Variants in ITPKB observed in about 807,000 individuals in gnomAD.
ITPKB encodes IP3 3-kinase B.
A neutral mutation model predicts 69.4 loss-of-function variants in ITPKB; 13 were observed. The ratio of observed to expected loss-of-function variants is 0.19; its 90% CI spans 0.12 to 0.30. The LOEUF (loss-of-function observed/expected upper bound fraction) is 0.30, where lower values mean the gene tolerates loss of function less well. Among genes scored for constraint, ITPKB ranks in the 10% least tolerant of loss-of-function variants. The probability of loss-of-function intolerance (pLI) is 1.00; values close to 1 mark genes in which losing one functional copy is unlikely to be tolerated. For missense variants in ITPKB, 1,240 were observed against 1,250.5 expected, an observed-to-expected ratio of 0.99 and a Z score of 0.13; for synonymous variants, 584 against 513.7, an observed-to-expected ratio of 1.14 and a Z score of -1.85.
chr1:226,702,133 T>C (rs1656683269), intron 2 of ITPKB, among the ~76,000 whole-genome samples: 1 of 152,088 alleles, frequency 6.6e-6, no homozygotes, highest in African/African-American at 2.4e-5. Context: ...CGGTGGTTCA[T>C]GCCTGGAATC....
intron 2 of ITPKB, among the ~76,000 whole-genome samples, chr1:226,685,330 A>G (rs1053406131): frequency 6.6e-6 from 1 of 150,900 alleles, no homozygotes; most frequent in African/African-American, 2.4e-5. Flanking sequence ...GCTCTGCCCC[A>G]CCCCTGCCCC....
At chr1:226,675,428 T>G (rs1669713443) in intron 2 of ITPKB, among the ~76,000 whole-genome samples, 1 of 152,208 alleles carries the variant, frequency 6.6e-6, no homozygotes, top group Non-Finnish European at 1.5e-5. Context: ...GTCCATGTTT[T>G]TTCCAGAACG....
At chr1:226,636,238 G>T (rs1668834924) in intron 7 of ITPKB, among the ~76,000 whole-genome samples, 1 of 152,224 alleles carries the variant, frequency 6.6e-6, no homozygotes, top group Admixed American at 6.5e-5. Context: ...GGGCAAAGGG[G>T]GCTCTGGCAG....
chr1:226,698,586 G>C (rs1254676257), intron 2 of ITPKB, among the ~76,000 whole-genome samples: 1 of 152,262 alleles, frequency 6.6e-6, no homozygotes, highest in Non-Finnish European at 1.5e-5. Flanking sequence ...GTCATCAGAG[G>C]CTGGAGAAAA....
In ITPKB at chr1:226,738,026, T is replaced by C. The variant is rs562070091; in HGVS notation, c.-205-363A>G. Among the ~76,000 whole-genome samples, 1 of 152,296 alleles carries C rather than the reference T, an allele frequency of 6.6e-6. No individual in the cohort carries two copies. The highest frequency in any genetic ancestry group is 1.5e-5 in the Non-Finnish European group (1 of 68,012). On this transcript the variant is annotated intron_variant, in intron 1 of 7. Coordinates refer to ENST00000429204, the MANE Select transcript of ITPKB (RefSeq NM_002221.4). The surrounding 1 kb of genome is among the most constrained non-coding windows in gnomAD (Gnocchi z 4.2). ...CGCGGCTGACTCAGCTCTCCCGGGC[T>C]GAGGACACCCCAGCCACCGTCTCCG...
In ITPKB at chr1:226,734,304, C is replaced by T. The variant is rs7556331; in HGVS notation, c.1932+1223G>A. Among the ~76,000 whole-genome samples, 583 of 152,306 alleles carry T rather than the reference C, an allele frequency of 3.8e-3. 5 individuals carry two copies. The highest frequency in any genetic ancestry group is 0.014 in the African/African-American group (563 of 41,562). ...AAGCAGAGTTTCATGAAAAGGAATG[C>T]CTGGTCTTCAAAAATCCAGACTGTG... On this transcript the variant is annotated intron_variant, in intron 2 of 7. Coordinates refer to ENST00000429204, the MANE Select transcript of ITPKB (RefSeq NM_002221.4).
At chr1:226,724,238 C>T (rs948523064) in intron 2 of ITPKB, among the ~76,000 whole-genome samples, 9 of 152,076 alleles carry the variant, frequency 5.9e-5, no homozygotes, top group Non-Finnish European at 1.2e-4. Flanking sequence ...GGGCTCCACA[C>T]TCCCCAGCAG....
chr1:226,651,488 A>G (rs1477981841), intron 2 of ITPKB, among the ~76,000 whole-genome samples: 2 of 152,104 alleles, frequency 1.3e-5, no homozygotes, highest in Non-Finnish European at 2.9e-5. Context: ...CAAGGAGGGG[A>G]CCCAGGTGTC....
Position 226,735,667 on chromosome 1 carries a change from G to C in ITPKB, c.1792C>G (p.Leu598Val). The C allele has an allele frequency of 6.2e-7, 1 of 1,611,172 alleles. No individual in the cohort carries two copies. The highest frequency in any genetic ancestry group is 8.5e-7 in the Non-Finnish European group (1 of 1,178,400). The change falls in exon 2 of 8, where the codon CTG becomes GTG. Residue 598 changes from leucine (L) to valine (V), a missense_variant. By Grantham distance (32) the Leu-to-Val change is conservative. Around this residue, in one of 2 missense-constraint regions of ITPKB, gnomAD observed 992 missense variants for 853.8 expected, o/e 1.16. Coordinates refer to ENST00000429204, the MANE Select transcript of ITPKB (RefSeq NM_002221.4). Reference sequence around the variant, plus strand: ...GTGGAGGAGGCCGAGGAAGAGGACAGTTTCCTCAGGGGCAGGTTGCCCCGA... The same window carrying C: ...GTGGAGGAGGCCGAGGAAGAGGACACTTTCCTCAGGGGCAGGTTGCCCCGA... The part of the protein sequence containing the change: ...SPRGNLPLRK[L>V]SSSSASSTGF...
chr1:226,666,562 T>C (rs911850500), intron 2 of ITPKB, among the ~76,000 whole-genome samples: 10 of 152,110 alleles, frequency 6.6e-5, no homozygotes, highest in African/African-American at 2.4e-4. Context: ...CCCTAAGATC[T>C]ACCCTCAGGG....
chr1:226,653,679 G>A (rs1054438584), intron 2 of ITPKB, among the ~76,000 whole-genome samples: 3 of 152,218 alleles, frequency 2.0e-5, no homozygotes, highest in Admixed American at 1.3e-4. Flanking sequence ...GCACCACAAC[G>A]CAGGGGTGCC....
rs1351517130 is a variant in ITPKB, at chr1:226,715,929, G to A, written c.1932+19598C>T. Among the ~76,000 whole-genome samples, 3 of 152,290 alleles carry A rather than the reference G, an allele frequency of 2.0e-5. No individual in the cohort carries two copies. In the East Asian group the frequency reaches 5.8e-4, roughly 29 times the overall value. On this transcript the variant is annotated intron_variant, in intron 2 of 7. Coordinates refer to ENST00000429204, the MANE Select transcript of ITPKB (RefSeq NM_002221.4). The stretch of plus-strand genomic sequence containing the variant: ...AGGTTCAAGTGATTCTCTTGCCTTA[G>A]CCTCCTGAGTAGCTAGGACTACAGG...
intron 6 of ITPKB, among the ~76,000 whole-genome samples, chr1:226,639,054 CTTTT>C (rs34561047): frequency 4.8e-5 from 6 of 123,792 alleles, no homozygotes; most frequent in African/African-American, 1.8e-4. Context: ...GTGCCCTTGA[CTTTT>C]TTTTTTTTTT....
Position 226,634,594 on chromosome 1 carries a change from G to A in ITPKB, c.*77C>T, listed in dbSNP as rs1247595665. ...GAGGGTCAGTCAGGTGTAAGTGAAG[G>A]AAAAGTTAGGAACGAGAAAGGAAGC... is the stretch of plus-strand genomic sequence containing the variant. On this transcript the variant is annotated 3_prime_UTR_variant, in exon 8 of 8. Transcript: ENST00000429204. This position sits in a 1 kb window ranked among gnomAD's most constrained non-coding sequence, Gnocchi z 6.3. The A allele has an allele frequency of 1.7e-5, 12 of 691,336 alleles. No individual in the cohort carries two copies. Among genetic ancestry groups the A allele is most frequent in the Non-Finnish European group, 3.2e-5 (12 of 369,698 alleles). 42.8% of individuals were successfully genotyped at this position (691,336 alleles called of 1,614,324 possible).
intron 3 of ITPKB, 42 bp from the exon 4 acceptor site, chr1:226,647,422 G>A (rs1349990644): frequency 6.7e-7 from 1 of 1,492,950 alleles, no homozygotes; most frequent in Non-Finnish European, 9.2e-7. Flanking sequence ...CCGGCTGCAG[G>A]TAGCTGGCAG....
rs1007106007 is a variant in ITPKB, at chr1:226,633,022, G to A, written c.*1649C>T. On this transcript the variant is annotated 3_prime_UTR_variant, in exon 8 of 8. Coordinates refer to ENST00000429204, the MANE Select transcript of ITPKB (RefSeq NM_002221.4). ...CGAGGTCTCTCGTGCTCCACCGGGC[G>A]CGTGTGTGACCTTTAGCAAGTCGGC... 3 of 152,294 alleles carry A rather than the reference G, an allele frequency of 2.0e-5. No individual in the cohort carries two copies. The highest frequency in any genetic ancestry group is 2.1e-4 in the South Asian group (1 of 4,830). The allele number at this position is 152,294 out of a possible 1,614,324, so 9.4% of individuals were successfully genotyped here. A position where few individuals can be genotyped will look rare whatever the true frequency, so the allele number is the denominator to read the frequency against.
At chr1:226,694,456 T>C (rs760524364) in intron 2 of ITPKB, among the ~76,000 whole-genome samples, 1 of 152,216 alleles carries the variant, frequency 6.6e-6, no homozygotes, top group African/African-American at 2.4e-5. Context: ...ACATTACCAA[T>C]TGGTATGGCG....
At chr1:226,725,602 G>A (rs1160617707) in intron 2 of ITPKB, among the ~76,000 whole-genome samples, 1 of 152,324 alleles carries the variant, frequency 6.6e-6, no homozygotes, top group East Asian at 1.9e-4. Flanking sequence ...GTGCAGTGCA[G>A]TCTCCCTATC....
chr1:226,669,153 C>G (rs1429207722), intron 2 of ITPKB: 1 of 152,192 alleles, frequency 6.6e-6, no homozygotes, highest in African/African-American at 2.4e-5. Context: ...TGGTGGCTCA[C>G]GCCTGTAATC....
Sources: gnomAD v4.1 joint callset for allele counts (sites outside exome capture counted in the v4.1 genomes callset) on GRCh38, gnomAD v4.1.1 for gene constraint, gnomAD v4.1.1 regional missense constraint, Gnocchi (gnomAD v3.1) non-coding constraint, MANE v1.5 for transcripts, NCBI Gene and HGNC (gene_info 2026-07-23, HGNC 2026-07-21) for gene names.